RBM27: variants seen among roughly 807,000 people sequenced by gnomAD.
RBM27 encodes the protein RNA binding motif protein 27, also known as RNA-binding protein 27.
Under a neutral mutation model 135.3 loss-of-function variants are expected in RBM27, and 22 were observed. That is an observed-to-expected ratio of 0.16 (90% CI 0.12 to 0.23). The LOEUF is 0.23. RBM27 is among the 10% of genes least tolerant of loss of function. RBM27 has a pLI of 1.00. For synonymous variants in RBM27, 481 were observed against 442.4 expected (o/e 1.09, Z -1.10); for missense variants, 1,009 against 1,281.0 (o/e 0.79, Z 3.24).
intron 8 of RBM27, among the ~76,000 whole-genome samples, chr5:146,249,683 CAA>C (rs1209651197): frequency 5.4e-5 from 2 of 37,174 alleles, no homozygotes; most frequent in Non-Finnish European, 5.7e-5. Context: ...GTGAGACTCT[CAA>C]AAAAAAAAAA....
intron 2 of RBM27, among the ~76,000 whole-genome samples, chr5:146,221,311 C>T (rs1756455182): frequency 6.6e-6 from 1 of 152,170 alleles, no homozygotes; most frequent in South Asian, 2.1e-4. Flanking sequence ...TTGTGTGTGT[C>T]TTTCTAGACT....
chr5:146,263,360 T>C (rs1758476352), intron 13 of RBM27, 131 bp from the exon 14 acceptor site: 1 of 828,564 alleles, frequency 1.2e-6, no homozygotes, highest in Non-Finnish European at 1.8e-6. Flanking sequence ...AATAAAACCT[T>C]ACGGATAATT....
intron 3 of RBM27, among the ~76,000 whole-genome samples, chr5:146,227,280 A>T (rs1756722878): frequency 6.6e-6 from 1 of 152,184 alleles, no homozygotes; most frequent in Admixed American, 6.5e-5. Context: ...TTGTGAAGAA[A>T]TTCAATCATT....
intron 7 of RBM27, among the ~76,000 whole-genome samples, chr5:146,236,037 C>G (rs1457726647): frequency 6.6e-6 from 1 of 152,114 alleles, no homozygotes; most frequent in Non-Finnish European, 1.5e-5. Flanking sequence ...AATTGTGAAG[C>G]TCAAGCTGAG....
intron 7 of RBM27, among the ~76,000 whole-genome samples, chr5:146,236,802 T>C (rs1237409632): frequency 6.6e-6 from 1 of 151,928 alleles, no homozygotes; most frequent in Non-Finnish European, 1.5e-5. Context: ...TTTTGTACTT[T>C]TAGTAGAGAT....
At chr5:146,210,589 C>T (rs77881465) in intron 1 of RBM27, among the ~76,000 whole-genome samples, 2,515 of 152,228 alleles carry the variant, frequency 0.017, 86 homozygotes, top group African/African-American at 0.058. Context: ...TGGGCCCTCA[C>T]TAGACTCCAA....
chr5:146,210,257 G>T (rs950514816), intron 1 of RBM27, among the ~76,000 whole-genome samples: 4 of 152,136 alleles, frequency 2.6e-5, no homozygotes, highest in African/African-American at 9.7e-5. Context: ...AATTAGAAAA[G>T]TAAGAATTTT....
intron 19 of RBM27, among the ~76,000 whole-genome samples, chr5:146,277,007 T>G (rs1759118327): frequency 6.6e-6 from 1 of 152,222 alleles, no homozygotes. Flanking sequence ...CACTTTACTG[T>G]GTTCAGGGTT....
At position 146,287,524 on chromosome 5, in the gene RBM27, A is replaced by G. The variant is rs1759633001; in HGVS notation, c.*1494A>G. On this transcript the variant is annotated 3_prime_UTR_variant, in exon 21 of 21. Transcript: ENST00000265271. ...AATTTGAAACCTCCTGTTGTCTCCAAAAGGGTCTTGGTGACCACTATATCA... is the reference window on the plus strand; with the variant it reads ...AATTTGAAACCTCCTGTTGTCTCCAGAAGGGTCTTGGTGACCACTATATCA... 6.6e-6 allele frequency: 1 copy of G among 152,154 alleles called. No homozygotes were observed. The highest frequency in any genetic ancestry group is 6.5e-5 in the Admixed American group (1 of 15,268). 9.4% of individuals were successfully genotyped at this position (152,154 alleles called of 1,614,324 possible). A position where few individuals can be genotyped will look rare whatever the true frequency, so the allele number is the denominator to read the frequency against.
At chr5:146,209,548 G>C (rs1232946119) in intron 1 of RBM27, among the ~76,000 whole-genome samples, 1 of 152,122 alleles carries the variant, frequency 6.6e-6, no homozygotes, top group Non-Finnish European at 1.5e-5. Context: ...TACTTTGGTT[G>C]AACTCTAGAG....
chr5:146,220,615 G>A (rs1163024893), intron 2 of RBM27, among the ~76,000 whole-genome samples: 2 of 151,820 alleles, frequency 1.3e-5, no homozygotes, highest in Admixed American at 6.6e-5. Flanking sequence ...TATTTACTGA[G>A]AAGGAGAAAA....
intron 6 of RBM27, 36 bp from the exon 7 acceptor site, chr5:146,233,414 G>T (rs973672056): frequency 1.3e-6 from 2 of 1,497,750 alleles, no homozygotes; most frequent in Non-Finnish European, 8.9e-7. Context: ...CTAAGTAGAT[G>T]ATAATAAGAT....
chr5:146,230,589 A>C (rs1756884500), intron 5 of RBM27, 68 bp from the exon 6 acceptor site: 1 of 1,492,122 alleles, frequency 6.7e-7, no homozygotes, highest in Non-Finnish European at 9.1e-7. Context: ...GTGAGAAAAT[A>C]AATATAGTTT....
At chr5:146,270,309 T>C (rs1485908892) in intron 17 of RBM27, among the ~76,000 whole-genome samples, 2 of 151,994 alleles carry the variant, frequency 1.3e-5, no homozygotes, top group Non-Finnish European at 2.9e-5. Context: ...TTGTCAGATA[T>C]GTAGAATGTA....
chr5:146,224,013 G>T (rs1756565289), intron 3 of RBM27, among the ~76,000 whole-genome samples: 1 of 152,142 alleles, frequency 6.6e-6, no homozygotes, highest in African/African-American at 2.4e-5. Context: ...TGAAAACATG[G>T]TTATAGATGG....
At chr5:146,207,818 C>A (rs1755759306) in intron 1 of RBM27, among the ~76,000 whole-genome samples, 1 of 150,652 alleles carries the variant, frequency 6.6e-6, no homozygotes, top group South Asian at 2.1e-4. Context: ...CCATGCCTGG[C>A]TAATTTTTGT....
chr5:146,240,349 T>C (rs888622931), intron 8 of RBM27, among the ~76,000 whole-genome samples: 1 of 152,046 alleles, frequency 6.6e-6, no homozygotes, highest in Middle Eastern at 3.4e-3. Flanking sequence ...TCTGTCTATC[T>C]AGAGTCTCAC....
At chr5:146,222,904 C>T (rs1021304398) in intron 2 of RBM27, among the ~76,000 whole-genome samples, 1 of 151,812 alleles carries the variant, frequency 6.6e-6, no homozygotes, top group Non-Finnish European at 1.5e-5. Context: ...GCCTTTAATC[C>T]AACAATATAA....
chr5:146,258,661 T>C (rs1758226534), intron 11 of RBM27, 68 bp downstream of exon 11: 1 of 1,317,238 alleles, frequency 7.6e-7, no homozygotes, highest in South Asian at 2.3e-5. Context: ...TTCATAAAAA[T>C]AAGATTTGTC....
Sources: allele counts gnomAD v4.1 joint callset (sites outside exome capture counted in the v4.1 genomes callset), GRCh38; gene constraint gnomAD v4.1.1; transcripts MANE v1.5; gene names NCBI Gene and HGNC (gene_info 2026-07-23, HGNC 2026-07-21).